Variants in NDC1 observed in about 807,000 individuals in gnomAD.
NDC1 encodes nucleoporin NDC1.
In NDC1, 24 loss-of-function variants were observed where a neutral mutation model predicts 89.8. The ratio of observed to expected loss-of-function variants is 0.27; its 90% CI spans 0.19 to 0.38. NDC1 has a LOEUF of 0.38. NDC1 is among the 10% of genes least tolerant of loss of function. The pLI is 1.00. For missense variants in NDC1, 728 were observed against 797.6 expected (o/e 0.91, Z 1.05); for synonymous variants, 296 against 284.8 (o/e 1.04, Z -0.39).
chr1:53,794,419 A>G (rs1647625733), intron 13 of NDC1, among the ~76,000 whole-genome samples: 1 of 152,236 alleles, frequency 6.6e-6, no homozygotes, highest in South Asian at 2.1e-4. Flanking sequence ...GGCTGCAGCA[A>G]GCAGCACGTG....
In NDC1 at chr1:53,838,240, G is replaced by A. The variant is rs1222154233; in HGVS notation, c.22C>T (p.Pro8Ser). 8.5e-6 allele frequency: 13 copies of A among 1,536,892 alleles called. No homozygotes were observed. Among genetic ancestry groups the A allele is most frequent in the South Asian group, 8.3e-5 (7 of 83,858 alleles). ...ATGTCCCGCGACCTGCCGGCGCAGG[G>A]CCGGCTCACGGCCGTGGCCATGGAG... is the stretch of plus-strand genomic sequence containing the variant. MATAVSR[P>S]CAGRSRDILW... is the part of the protein sequence containing the mutation. Residue 8 changes from proline (P) to serine (S), a missense_variant, in exon 1 of 18, where the codon CCC becomes TCC. Transcript: ENST00000371429.
At chr1:53,811,117 C>G (rs1330616898) in intron 6 of NDC1, among the ~76,000 whole-genome samples, 1 of 152,200 alleles carries the variant, frequency 6.6e-6, no homozygotes, top group African/African-American at 2.4e-5. Context: ...CAGAAAGGCC[C>G]TGGGAGCTTG....
chr1:53,825,985 C>T, intron 4 of NDC1, 49 bp from the exon 5 acceptor site: 1 of 1,585,924 alleles, frequency 6.3e-7, no homozygotes, highest in South Asian at 1.1e-5. Flanking sequence ...GGACATGTAT[C>T]ACTGTTTTAG....
At chr1:53,803,640 C>T (rs56852394) in intron 10 of NDC1, among the ~76,000 whole-genome samples, 1,672 of 152,198 alleles carry the variant, frequency 0.011, 36 homozygotes, top group African/African-American at 0.038. Context: ...AGCGCAATCT[C>T]GGCTCACTGC....
At position 53,789,186 on chromosome 1, in the gene NDC1, G is replaced by T. The variant is rs1647404536; in HGVS notation, c.1646C>A (p.Ala549Asp). 1 of 1,606,228 alleles carries T rather than the reference G, an allele frequency of 6.2e-7. No individual in the cohort carries two copies. Among genetic ancestry groups the T allele is most frequent in the Non-Finnish European group, 8.5e-7 (1 of 1,176,112 alleles). Residue 549 changes from alanine to aspartate, a missense_variant, in exon 15 of 18, where the codon GCC becomes GAC. By Grantham distance (126) the Ala-to-Asp change is moderately radical (BLOSUM62 -2). Transcript: ENST00000371429. ...IMYFFSKHPE[A>D]SIQAVFSDAQ... ...ATCTGAAAAAACAGCCTGAATGGAGGCCTCTGGGTGCTACAAATAAAAACA... is the reference window on the plus strand; with the variant it reads ...ATCTGAAAAAACAGCCTGAATGGAGTCCTCTGGGTGCTACAAATAAAAACA...
intron 10 of NDC1, 46 bp downstream of exon 10, chr1:53,803,882 T>C (rs1374936925): frequency 6.9e-7 from 1 of 1,448,920 alleles, no homozygotes; most frequent in East Asian, 2.3e-5. Context: ...AGTGAATTAC[T>C]TTCTACACAC....
rs1172737020 is a variant in NDC1, at chr1:53,816,554, A to ACAAAAAGC, written c.703+2416_703+2417insGCTTTTTG. 3.3e-5 allele frequency among the ~76,000 whole-genome samples: 5 copies of ACAAAAAGC among 152,232 alleles called. No individual in the cohort carries two copies. The East Asian group carries it at 9.6e-4, about 29-fold the overall frequency. On this transcript the variant is annotated intron_variant, in intron 6 of 17. Coordinates refer to ENST00000371429, the MANE Select transcript of NDC1 (RefSeq NM_018087.5). ...CATTGGCTTAGGCAAGGATTTCACG[A>ACAAAAAGC]CCAAAAGCCCAAAAGCAAATGCAAT...
At chr1:53,832,411 C>A in intron 3 of NDC1, 79 bp downstream of exon 3, 1 of 712,856 alleles carries the variant, frequency 1.4e-6, no homozygotes, top group South Asian at 2.0e-5. Flanking sequence ...AAAACACATT[C>A]ACATATAAAA....
chr1:53,789,670 G>T (rs1177646214), intron 14 of NDC1, among the ~76,000 whole-genome samples: 1 of 151,558 alleles, frequency 6.6e-6, no homozygotes, highest in Non-Finnish European at 1.5e-5. Flanking sequence ...GTGGTGGCAG[G>T]TGCCTGTAAT....
At chr1:53,834,911 C>T (rs1231432083) in intron 2 of NDC1, among the ~76,000 whole-genome samples, 1 of 152,002 alleles carries the variant, frequency 6.6e-6, no homozygotes, top group Non-Finnish European at 1.5e-5. Flanking sequence ...AGCTCAAGAC[C>T]AGCCTGGGTA....
intron 10 of NDC1, among the ~76,000 whole-genome samples, chr1:53,801,093 A>T (rs1369538118): frequency 2.6e-5 from 4 of 151,840 alleles, no homozygotes; most frequent in Non-Finnish European, 5.9e-5. Flanking sequence ...ACATACCAAA[A>T]AAAAAAAAAA....
chr1:53,774,812 G>A (rs71637819), intron 16 of NDC1, among the ~76,000 whole-genome samples: 4,390 of 152,134 alleles, frequency 0.029, 96 homozygotes, highest in Middle Eastern at 0.044. Context: ...GATTACTTGA[G>A]CCCAAGAGTT....
chr1:53,822,257 C>A (rs1648693570), intron 5 of NDC1, among the ~76,000 whole-genome samples: 1 of 152,086 alleles, frequency 6.6e-6, no homozygotes, highest in Non-Finnish European at 1.5e-5. Flanking sequence ...TTACTTGAAC[C>A]TGGGAGGCGG....
chr1:53,771,820 A>G (rs1372973965), intron 17 of NDC1, among the ~76,000 whole-genome samples: 13 of 152,174 alleles, frequency 8.5e-5, no homozygotes, highest in Non-Finnish European at 1.5e-5. Context: ...GAATAAAACT[A>G]AATATAAACA....
chr1:53,837,086 T>C (rs1412027401), intron 1 of NDC1, among the ~76,000 whole-genome samples: 1 of 152,170 alleles, frequency 6.6e-6, no homozygotes, highest in Non-Finnish European at 1.5e-5. Flanking sequence ...ATATGTGGTA[T>C]GTCCATACAG....
At chr1:53,791,261 T>C (rs1261539170) in intron 14 of NDC1, among the ~76,000 whole-genome samples, 1 of 151,908 alleles carries the variant, frequency 6.6e-6, no homozygotes, top group South Asian at 2.1e-4. Flanking sequence ...CTACTAAAAA[T>C]ACAAAAAATT....
intron 5 of NDC1, among the ~76,000 whole-genome samples, chr1:53,825,460 A>AAAAAAAAAAAAAAAAAAAAAAG (rs1039370528): frequency 1.2e-4 from 17 of 142,128 alleles, no homozygotes; most frequent in East Asian, 4.0e-4. Flanking sequence ...CTCCAAAAAA[A>AAAAAAAAAAAAAAAAAAAAAAG]AAGAAGCTAC....
intron 16 of NDC1, among the ~76,000 whole-genome samples, chr1:53,783,119 C>T (rs1248082228): frequency 2.0e-5 from 3 of 151,888 alleles, no homozygotes; most frequent in African/African-American, 4.8e-5. Context: ...CAAGATCTGG[C>T]GGTGGAGTAC....
At chr1:53,795,387 A>G (rs1647663693) in intron 13 of NDC1, among the ~76,000 whole-genome samples, 1 of 152,174 alleles carries the variant, frequency 6.6e-6, no homozygotes, top group African/African-American at 2.4e-5. Flanking sequence ...CTACCGCTAT[A>G]TGCCTAATTT....
Sources: allele counts gnomAD v4.1 joint callset (sites outside exome capture counted in the v4.1 genomes callset), GRCh38; gene constraint gnomAD v4.1.1; transcripts MANE v1.5; gene names NCBI Gene and HGNC (gene_info 2026-07-23, HGNC 2026-07-21).